The following RABGAP1 variants were observed in gnomAD, a reference collection of about 807,000 sequenced individuals.
RABGAP1 encodes the protein rab GTPase-activating protein 1.
RABGAP1 carries 23 observed loss-of-function variants against 137.6 expected under a neutral mutation model. The ratio of observed to expected loss-of-function variants is 0.17; its 90% CI spans 0.12 to 0.24. The LOEUF is 0.24. Ranked by LOEUF, RABGAP1 falls within the 10% of genes least tolerant of loss-of-function variation. The pLI is 1.00. For missense variants in RABGAP1, 906 were observed against 1,275.8 expected (o/e 0.71, Z 4.42); for synonymous variants, 451 against 450.7 (o/e 1.00, Z -0.01).
chr9:122,986,899 G>A (rs1292017233), intron 4 of RABGAP1, among the ~76,000 whole-genome samples: 2 of 152,066 alleles, frequency 1.3e-5, no homozygotes, highest in East Asian at 1.9e-4. Context: ...AGGCTGAGAC[G>A]GGTTGATCAC....
intron 10 of RABGAP1, among the ~76,000 whole-genome samples, chr9:123,004,211 A>G (rs2029988028): frequency 6.6e-6 from 1 of 152,300 alleles, no homozygotes; most frequent in Non-Finnish European, 1.5e-5. Context: ...CTCCTTTGTA[A>G]AATAGGGTTT....
chr9:122,982,467 T>A (rs2131735540), intron 2 of RABGAP1, among the ~76,000 whole-genome samples: 1 of 152,332 alleles, frequency 6.6e-6, no homozygotes, highest in East Asian at 1.9e-4. Context: ...AAACAGTACT[T>A]CACAGCATGT....
At chr9:123,026,175 T>C (rs536952099) in intron 13 of RABGAP1, among the ~76,000 whole-genome samples, 1 of 152,146 alleles carries the variant, frequency 6.6e-6, no homozygotes. Flanking sequence ...AATACAAGAA[T>C]TAGCCGGCCG....
chr9:122,960,428 A>G (rs1221981422), intron 2 of RABGAP1, among the ~76,000 whole-genome samples: 3 of 152,224 alleles, frequency 2.0e-5, no homozygotes, highest in Admixed American at 1.3e-4. Flanking sequence ...ACAGTGAGCA[A>G]TCTCAAGTCT....
At chr9:123,035,639 CGTGTGTGTGTGTGTGTGTGT>C (rs5900552) in intron 13 of RABGAP1, 71 of 733,366 alleles carry the variant, frequency 9.7e-5, no homozygotes, top group South Asian at 8.8e-4. Context: ...ACGGGGTTCC[CGTGTGTGTGTGTGTGTGTGT>C]GTGTGTGTGT....
chr9:122,984,846 C>T, intron 3 of RABGAP1, 127 bp downstream of exon 3: 3 of 798,036 alleles, frequency 3.8e-6, no homozygotes, highest in Non-Finnish European at 5.9e-6. Flanking sequence ...AAAACATTCT[C>T]TAGAATCTCT....
At chr9:122,962,675 C>T (rs536584301) in intron 2 of RABGAP1, among the ~76,000 whole-genome samples, 1 of 151,808 alleles carries the variant, frequency 6.6e-6, no homozygotes, top group South Asian at 2.1e-4. Flanking sequence ...AATAGAGGCA[C>T]AAAAAAGATA....
chr9:122,942,724 A>T (rs1833671231), intron 1 of RABGAP1, among the ~76,000 whole-genome samples: 2 of 151,470 alleles, frequency 1.3e-5, no homozygotes, highest in South Asian at 4.2e-4. Flanking sequence ...AAGTCTTTAT[A>T]AATCTTCCTG....
In RABGAP1 at chr9:122,989,999, A is replaced by G. The variant is rs536967976; in HGVS notation, c.766-57A>G. On this transcript the variant is annotated intron_variant, in intron 5 of 25. Coordinates refer to ENST00000373647, the MANE Select transcript of RABGAP1 (RefSeq NM_012197.4). ...CAAAGTAGGTAATCTTCCAGCCTTA[A>G]TAAAGGTATTTTATATCTTTTGATA... is the stretch of plus-strand genomic sequence containing the variant. 6.1e-5 allele frequency: 88 copies of G among 1,452,282 alleles called. 1 individual carries two copies. The South Asian group carries it at 1.1e-3, about 17-fold the overall frequency. 90.0% of individuals were successfully genotyped at this position (1,452,282 alleles called of 1,614,324 possible). A position where few individuals can be genotyped will look rare whatever the true frequency, so the allele number is the denominator to read the frequency against.
At chr9:123,048,365 C>T (rs117696785) in intron 13 of RABGAP1, among the ~76,000 whole-genome samples, 2 of 152,238 alleles carry the variant, frequency 1.3e-5, no homozygotes, top group Non-Finnish European at 1.5e-5. Flanking sequence ...CATTTATAAG[C>T]ATTTTCTTGG....
At chr9:122,984,447 T>TTG in intron 2 of RABGAP1, 38 bp from the exon 3 acceptor site, 1 of 1,560,856 alleles carries the variant, frequency 6.4e-7, no homozygotes, top group Non-Finnish European at 8.8e-7. Context: ...TGGCCAATCT[T>TTG]TGTCACTTTG....
intron 11 of RABGAP1, among the ~76,000 whole-genome samples, chr9:123,012,602 G>C (rs967952273): frequency 2.6e-5 from 4 of 152,154 alleles, no homozygotes; most frequent in African/African-American, 9.7e-5. Context: ...TCTTAACTAG[G>C]GAGAGATAAG....
intron 13 of RABGAP1, chr9:123,020,969 A>T: frequency 1.2e-6 from 1 of 803,994 alleles, no homozygotes; most frequent in Non-Finnish European, 1.5e-6. Context: ...AAAGTTTTGC[A>T]AGCAAAACAA....
chr9:123,028,536 T>C (rs1451029527), intron 13 of RABGAP1, among the ~76,000 whole-genome samples: 1 of 152,182 alleles, frequency 6.6e-6, no homozygotes, highest in East Asian at 1.9e-4. Context: ...GATAGGGTGC[T>C]GCATAACAGA....
chr9:123,005,505 A>G (rs1269079913), intron 10 of RABGAP1, among the ~76,000 whole-genome samples: 2 of 152,192 alleles, frequency 1.3e-5, no homozygotes, highest in African/African-American at 2.4e-5. Flanking sequence ...AAAAATTAGC[A>G]TACTCCATAT....
intron 1 of RABGAP1, chr9:122,946,197 G>T: frequency 6.6e-6 from 1 of 151,974 alleles, no homozygotes; most frequent in Admixed American, 6.6e-5. Flanking sequence ...TTGCCTACAT[G>T]CATTCCCCTG....
intron 4 of RABGAP1, among the ~76,000 whole-genome samples, chr9:122,987,436 A>T (rs1025014702): frequency 6.6e-6 from 1 of 152,192 alleles, no homozygotes; most frequent in African/African-American, 2.4e-5. Flanking sequence ...GCATATTGGT[A>T]TATGTATATG....
intron 2 of RABGAP1, among the ~76,000 whole-genome samples, chr9:122,979,596 C>T (rs1024168268): frequency 6.6e-6 from 1 of 152,182 alleles, no homozygotes; most frequent in Non-Finnish European, 1.5e-5. Context: ...AATTTTAGAG[C>T]ACACTTAGGT....
intron 1 of RABGAP1, among the ~76,000 whole-genome samples, chr9:122,941,383 C>A (rs746309058): frequency 2.6e-5 from 4 of 152,230 alleles, no homozygotes; most frequent in Non-Finnish European, 4.4e-5. Flanking sequence ...CTGAGTCTTG[C>A]GTTTTTGGCC....
Sources: gnomAD v4.1 joint callset for allele counts (sites outside exome capture counted in the v4.1 genomes callset) on GRCh38, gnomAD v4.1.1 for gene constraint, MANE v1.5 for transcripts, NCBI Gene and HGNC (gene_info 2026-07-23, HGNC 2026-07-21) for gene names.